Variants in PRKCE observed in about 807,000 individuals in gnomAD.
PRKCE encodes the protein protein kinase C epsilon type.
In PRKCE, 16 loss-of-function variants were observed where a neutral mutation model predicts 85.4. The observed-to-expected ratio is 0.19, with a 90% confidence interval of 0.13 to 0.28. PRKCE has a LOEUF of 0.28. PRKCE is among the 10% of genes least tolerant of loss of function. The pLI, the probability that PRKCE is intolerant of heterozygous loss-of-function variation, is 1.00. For missense variants in PRKCE, 573 were observed against 975.2 expected, an observed-to-expected ratio of 0.59 and a Z score of 5.49; for synonymous variants, 388 against 371.5, an observed-to-expected ratio of 1.04 and a Z score of -0.51.
At chr2:45,660,852 T>C (rs555131207) in intron 1 of PRKCE, among the ~76,000 whole-genome samples, 1 of 152,222 alleles carries the variant, frequency 6.6e-6, no homozygotes, top group Non-Finnish European at 1.5e-5. Context: ...GCCAAAAGTC[T>C]GTACTGTGCT....
chr2:46,016,860 G>A (rs1706197824), intron 10 of PRKCE, among the ~76,000 whole-genome samples: 1 of 149,416 alleles, frequency 6.7e-6, no homozygotes, highest in Middle Eastern at 3.4e-3. Context: ...AGTGAGCCGA[G>A]ATCGTCCCAC....
chr2:46,142,578 C>A (rs1353097700), intron 11 of PRKCE, among the ~76,000 whole-genome samples: 6 of 152,248 alleles, frequency 3.9e-5, no homozygotes, highest in Admixed American at 3.9e-4. Flanking sequence ...CTCCCCCAGT[C>A]ATAGCCAAGG....
chr2:45,790,910 A>T (rs115654908), intron 1 of PRKCE, among the ~76,000 whole-genome samples: 1 of 152,174 alleles, frequency 6.6e-6, no homozygotes, highest in South Asian at 2.1e-4. Flanking sequence ...TGGCACAACT[A>T]TCAGACACCT....
At chr2:45,947,656 T>C (rs1439114643) in intron 2 of PRKCE, among the ~76,000 whole-genome samples, 1 of 152,234 alleles carries the variant, frequency 6.6e-6, no homozygotes, top group Non-Finnish European at 1.5e-5. Flanking sequence ...ACAGTCACAG[T>C]GTGCTGTTTT....
intron 2 of PRKCE, among the ~76,000 whole-genome samples, chr2:45,881,955 A>G (rs893755425): frequency 3.9e-5 from 6 of 152,196 alleles, no homozygotes; most frequent in African/African-American, 1.4e-4. Context: ...CTAAGGAGAC[A>G]TTTCCTTGCC....
At chr2:45,917,530 T>C (rs190222821) in intron 2 of PRKCE, among the ~76,000 whole-genome samples, 1,679 of 152,276 alleles carry the variant, frequency 0.011, 38 homozygotes, top group African/African-American at 0.038. Flanking sequence ...AGAGTGCCGA[T>C]TGGTGTATTT....
chr2:45,750,149 AC>A (rs1300427605), intron 1 of PRKCE, among the ~76,000 whole-genome samples: 3 of 152,224 alleles, frequency 2.0e-5, no homozygotes, highest in Admixed American at 6.5e-5. Flanking sequence ...AGTACATATA[AC>A]ATAAAATGTA....
In PRKCE at chr2:46,006,185, T is replaced by G. The variant is rs562129462; in HGVS notation, c.1064-1277T>G. On this transcript the variant is annotated intron_variant, in intron 8 of 14. Coordinates refer to ENST00000306156, the MANE Select transcript of PRKCE (RefSeq NM_005400.3). ...ATTATTACAGAACAGAAATAAGACATAGTTTCTTTTTCTTCCCTTGTAAAG... is the reference window on the plus strand; with the variant it reads ...ATTATTACAGAACAGAAATAAGACAGAGTTTCTTTTTCTTCCCTTGTAAAG... Among the ~76,000 whole-genome samples, 37 of 152,342 alleles carry G rather than the reference T, an allele frequency of 2.4e-4. No individual in the cohort carries two copies. In the South Asian group the frequency reaches 7.2e-3, roughly 30 times the overall value.
chr2:45,819,014 A>T (rs921431137), intron 1 of PRKCE, among the ~76,000 whole-genome samples: 3 of 152,168 alleles, frequency 2.0e-5, no homozygotes, highest in African/African-American at 7.2e-5. Context: ...TGGGGCGTGG[A>T]GCCTCCTGAG....
At chr2:45,704,884 G>A (rs138863308) in intron 1 of PRKCE, among the ~76,000 whole-genome samples, 103 of 152,324 alleles carry the variant, frequency 6.8e-4, no homozygotes, top group African/African-American at 2.4e-3. Flanking sequence ...GGGGTCATGA[G>A]AATAGTCTTG....
intron 1 of PRKCE, among the ~76,000 whole-genome samples, chr2:45,713,208 A>G (rs1346125710): frequency 1.3e-5 from 2 of 152,216 alleles, no homozygotes; most frequent in Non-Finnish European, 2.9e-5. Context: ...TTTGGAATCA[A>G]GTTCTAGACA....
intron 11 of PRKCE, among the ~76,000 whole-genome samples, chr2:46,121,554 A>T (rs1673316383): frequency 6.6e-6 from 1 of 152,228 alleles, no homozygotes; most frequent in Non-Finnish European, 1.5e-5. Flanking sequence ...AGAGGGGCCC[A>T]TAGGGAATTT....
At chr2:45,772,312 T>C (rs1436136728) in intron 1 of PRKCE, among the ~76,000 whole-genome samples, 1 of 147,610 alleles carries the variant, frequency 6.8e-6, no homozygotes, top group African/African-American at 2.5e-5. Flanking sequence ...AAGGAAAAGA[T>C]AGGGAGTAAA....
At chr2:45,942,185 T>C (rs868552224) in intron 2 of PRKCE, among the ~76,000 whole-genome samples, 2 of 152,242 alleles carry the variant, frequency 1.3e-5, no homozygotes, top group Non-Finnish European at 2.9e-5. Flanking sequence ...CTATAAGACA[T>C]TGATTCTAAT....
intron 2 of PRKCE, among the ~76,000 whole-genome samples, chr2:45,964,890 A>C (rs1701631525): frequency 6.6e-6 from 1 of 152,124 alleles, no homozygotes; most frequent in African/African-American, 2.4e-5. Flanking sequence ...TGTAGTGAAC[A>C]CTAGCTGCAG....
chr2:45,802,688 G>A (rs763708167), intron 1 of PRKCE, among the ~76,000 whole-genome samples: 1 of 152,202 alleles, frequency 6.6e-6, no homozygotes, highest in Non-Finnish European at 1.5e-5. Flanking sequence ...CACAGCCCGG[G>A]ATTTGACAGA....
chr2:45,701,329 T>A (rs574885240), intron 1 of PRKCE: 6 of 152,276 alleles, frequency 3.9e-5, no homozygotes, highest in Non-Finnish European at 8.8e-5. Flanking sequence ...ATTGGGATGC[T>A]ACCTATCTAT....
intron 2 of PRKCE, among the ~76,000 whole-genome samples, chr2:45,939,870 G>A (rs1699755098): frequency 6.6e-6 from 1 of 152,152 alleles, no homozygotes; most frequent in East Asian, 1.9e-4. Flanking sequence ...GCACTTTTAA[G>A]GCATGCTTGC....
chr2:46,000,722 C>T (rs1315622322), intron 6 of PRKCE, among the ~76,000 whole-genome samples: 1 of 152,176 alleles, frequency 6.6e-6, no homozygotes, highest in Non-Finnish European at 1.5e-5. Context: ...TTTTGACTCT[C>T]AGGCTTGTCT....
Sources: allele counts gnomAD v4.1 joint callset (sites outside exome capture counted in the v4.1 genomes callset), GRCh38; gene constraint gnomAD v4.1.1; transcripts MANE v1.5; gene names NCBI Gene and HGNC (gene_info 2026-07-23, HGNC 2026-07-21).